The following ZBTB8B variants were observed in gnomAD, a reference collection of about 807,000 sequenced individuals.
ZBTB8B encodes the protein zinc finger and BTB domain containing 8B.
Under a neutral mutation model 30.3 loss-of-function variants are expected in ZBTB8B, and 17 were observed. The ratio of observed to expected loss-of-function variants is 0.56; its 90% CI spans 0.38 to 0.84. The LOEUF (loss-of-function observed/expected upper bound fraction) is 0.84, where lower values mean the gene tolerates loss of function less well. Among genes scored for constraint, ZBTB8B ranks in the 40% least tolerant of loss-of-function variants. The pLI is 0.00. For missense variants in ZBTB8B, 515 were observed against 644.9 expected, an observed-to-expected ratio of 0.80 and a Z score of 2.18; for synonymous variants, 248 against 255.6, an observed-to-expected ratio of 0.97 and a Z score of 0.28.
Position 32,471,230 on chromosome 1 carries a change from C to T in ZBTB8B, c.606C>T (p.Pro202=), listed in dbSNP as rs1643617437. The T allele has an allele frequency of 1.9e-6, 3 of 1,551,914 alleles. No homozygotes were observed. The highest frequency in any genetic ancestry group is 2.6e-6 in the Non-Finnish European group (3 of 1,147,042). The stretch of plus-strand genomic sequence containing the variant: ...GCGGTGACTGCGGAGACTGCCACCC[C>T]TTGGAACTGGTGGTGAGAGACAGCC... The part of the protein sequence containing the change: ...SPCGDCGDCH[P]LELVVRDSLG... The change falls in exon 2 of 4, where the codon CCC becomes CCT. Residue 202 remains proline (P), a synonymous_variant. Transcript: ENST00000609129.
In ZBTB8B at chr1:32,494,803, C is replaced by T. The variant is rs1386685782; in HGVS notation, c.*9385C>T. ...TTTTCCAACCTCGCTGATTTTTTTCCTTCTTTCTTTTTTGAGACAGAGTTC... is the reference window on the plus strand; with the variant it reads ...TTTTCCAACCTCGCTGATTTTTTTCTTTCTTTCTTTTTTGAGACAGAGTTC... On this transcript the variant is annotated 3_prime_UTR_variant, in exon 4 of 4. Transcript: ENST00000609129. 2.0e-5 allele frequency: 3 copies of T among 151,390 alleles called. No individual in the cohort carries two copies. The highest frequency in any genetic ancestry group is 2.9e-5 in the Non-Finnish European group (2 of 67,806). 9.4% of individuals were successfully genotyped at this position (151,390 alleles called of 1,614,324 possible).
At chr1:32,477,738 C>CAAA (rs544220090) in intron 2 of ZBTB8B, among the ~76,000 whole-genome samples, 2 of 100,870 alleles carry the variant, frequency 2.0e-5, no homozygotes, top group Non-Finnish European at 4.2e-5. Context: ...TCTGTCTCTA[C>CAAA]AAAAAAAAAA....
rs1570267579 is a variant in ZBTB8B, at chr1:32,491,579, T to C, written c.*6161T>C. The C allele has an allele frequency of 6.6e-6, 1 of 152,314 alleles. No individual in the cohort carries two copies. Among genetic ancestry groups the C allele is most frequent in the East Asian group, 1.9e-4 (1 of 5,186 alleles). 9.4% of individuals were successfully genotyped at this position (152,314 alleles called of 1,614,324 possible). A position where few individuals can be genotyped will look rare whatever the true frequency, so the allele number is the denominator to read the frequency against. On this transcript the variant is annotated 3_prime_UTR_variant, in exon 4 of 4. Transcript: ENST00000609129. Reference sequence around the variant, plus strand: ...AGGAGACAGATCTACATGGGGCAAGTATGGAAGCTTCCCCGGCTTAAGAGC... The same window carrying C: ...AGGAGACAGATCTACATGGGGCAAGCATGGAAGCTTCCCCGGCTTAAGAGC...
rs1643784933 is a variant in ZBTB8B at position 32,492,348 on chromosome 1, G to C, written c.*6930G>C. ...GATGGAGTTTCACTCTTGTTGCCAG[G>C]CTGGAGTGCAGTGGTGCAATCTCGG... is the stretch of plus-strand genomic sequence containing the variant. On this transcript the variant is annotated 3_prime_UTR_variant, in exon 4 of 4. Transcript: ENST00000609129. 6.5e-6 allele frequency: 1 copy of C among 153,066 alleles called. No individual in the cohort carries two copies. Among genetic ancestry groups the C allele is most frequent in the Admixed American group, 6.7e-5 (1 of 14,820 alleles). 9.5% of individuals were successfully genotyped at this position (153,066 alleles called of 1,614,324 possible).
chr1:32,485,263 G>GT lies in ZBTB8B; in HGVS notation c.1334dup (p.Glu446GlyfsTer5). On this transcript the variant is annotated frameshift_variant, in exon 4 of 4. Transcript: ENST00000609129. LOFTEE classifies it high-confidence loss of function. ...TTTGATGCCCATCAACCTTAGCTTG[G>GT]TGGAGGCTTCATCTGAAAGCCAAGA... 1 of 1,552,122 alleles carries GT rather than the reference G, an allele frequency of 6.4e-7. No individual in the cohort carries two copies. The highest frequency in any genetic ancestry group is 8.7e-7 in the Non-Finnish European group (1 of 1,147,092).
chr1:32,470,634 C>T lies in ZBTB8B; in HGVS notation c.10C>T (p.Gln4Ter), dbSNP rs1288917883. ...AGCAGCTGGCGGAGCAATGGAGATG[C>T]AATCCTATTATGCCAAGCTTTTGGG... MEM[Q>*]SYYAKLLGEL... is the part of the protein sequence containing the mutation. The change falls in exon 2 of 4, where the codon CAA becomes TAA. Residue 4 changes from glutamine (Q) to a stop codon, truncating the protein, a stop_gained. Transcript: ENST00000609129. LOFTEE classifies it high-confidence loss of function. The T allele has an allele frequency of 2.6e-6, 4 of 1,549,008 alleles. No homozygotes were observed. The highest frequency in any genetic ancestry group is 3.5e-6 in the Non-Finnish European group (4 of 1,145,420).
At chr1:32,476,220 C>T (rs761201853) in intron 2 of ZBTB8B, among the ~76,000 whole-genome samples, 22 of 152,116 alleles carry the variant, frequency 1.4e-4, no homozygotes, top group Admixed American at 9.2e-4. Context: ...ACTGCAGCCT[C>T]GACCTCCTGG....
chr1:32,484,917 C>T lies in ZBTB8B; in HGVS notation c.1171-184C>T, dbSNP rs779530326. Among the ~76,000 whole-genome samples the T allele has an allele frequency of 1.2e-4, 19 of 152,176 alleles. No homozygotes were observed. The highest frequency in any genetic ancestry group is 2.0e-4 in the Admixed American group (3 of 15,282). ...AAACCTCTTTTCTTTATAAATTACC[C>T]AGTCTCAGGTATTTCTTTATAGCAG... On this transcript the variant is annotated intron_variant, in intron 3 of 3. Coordinates refer to ENST00000609129, the MANE Select transcript of ZBTB8B (RefSeq NM_001145720.2). The surrounding 1 kb of genome is among the most constrained non-coding windows in gnomAD (Gnocchi z 4.5).
At chr1:32,466,872 C>G (rs1485690161) in intron 1 of ZBTB8B, among the ~76,000 whole-genome samples, 1 of 152,122 alleles carries the variant, frequency 6.6e-6, no homozygotes, top group Non-Finnish European at 1.5e-5. Flanking sequence ...CCCCTCTGCC[C>G]TGCCTCCTTT....
intron 1 of ZBTB8B, among the ~76,000 whole-genome samples, chr1:32,469,639 GGAGGCCAATA>G (rs1315512404): frequency 6.6e-6 from 1 of 152,154 alleles, no homozygotes; most frequent in Non-Finnish European, 1.5e-5. Flanking sequence ...CATTGGCTCT[GGAGGCCAATA>G]GACCTGATTT....
At chr1:32,483,907 TA>T (rs1035323755) in intron 3 of ZBTB8B, among the ~76,000 whole-genome samples, 60 of 144,416 alleles carry the variant, frequency 4.2e-4, no homozygotes, top group Non-Finnish European at 4.3e-4. Flanking sequence ...ACCCCATCTC[TA>T]AAAAAAAAAA....
intron 2 of ZBTB8B, among the ~76,000 whole-genome samples, chr1:32,475,697 G>A (rs900782477): frequency 6.6e-6 from 1 of 152,266 alleles, no homozygotes; most frequent in Middle Eastern, 3.4e-3. Flanking sequence ...AAGGAGAACT[G>A]GCTTCCTACT....
rs1019236221 is a variant in ZBTB8B at position 32,489,488 on chromosome 1, A to G, written c.*4070A>G. On this transcript the variant is annotated 3_prime_UTR_variant, in exon 4 of 4. Transcript: ENST00000609129. ...ATACTTCCTCTGTCTAGACTATCAG[A>G]TCATAAATTGGTCCCCTTTAGGTGG... 1 of 152,214 alleles carries G rather than the reference A, an allele frequency of 6.6e-6. No homozygotes were observed. The highest frequency in any genetic ancestry group is 1.5e-5 in the Non-Finnish European group (1 of 68,024). 9.4% of individuals were successfully genotyped at this position (152,214 alleles called of 1,614,324 possible). A position where few individuals can be genotyped will look rare whatever the true frequency, so the allele number is the denominator to read the frequency against.
chr1:32,469,797 G>C (rs1424116255), intron 1 of ZBTB8B, among the ~76,000 whole-genome samples: 1 of 152,152 alleles, frequency 6.6e-6, no homozygotes, highest in East Asian at 1.9e-4. Context: ...AGTAAGCACT[G>C]TGCTCACATG....
chr1:32,472,163 C>T (rs1643629804), intron 2 of ZBTB8B, among the ~76,000 whole-genome samples: 1 of 152,206 alleles, frequency 6.6e-6, no homozygotes, highest in Non-Finnish European at 1.5e-5. Flanking sequence ...ATTAATTGAG[C>T]ACCTGCTATA....
rs901050963 is a variant in ZBTB8B, at chr1:32,496,234, G to C, written c.*10816G>C. ...ATTCTGTGAAAGAAGACTGACTACT[G>C]TCTGATGAATGGGTAATTGATGATG... is the stretch of plus-strand genomic sequence containing the variant. On this transcript the variant is annotated 3_prime_UTR_variant, in exon 4 of 4. Coordinates refer to ENST00000609129, the MANE Select transcript of ZBTB8B (RefSeq NM_001145720.2). The C allele has an allele frequency of 6.6e-6, 1 of 152,120 alleles. No homozygotes were observed. Among genetic ancestry groups the C allele is most frequent in the Non-Finnish European group, 1.5e-5 (1 of 68,016 alleles). 9.4% of individuals were successfully genotyped at this position (152,120 alleles called of 1,614,324 possible). A position where few individuals can be genotyped will look rare whatever the true frequency, so the allele number is the denominator to read the frequency against.
intron 3 of ZBTB8B, among the ~76,000 whole-genome samples, chr1:32,483,585 A>C (rs1643723504): frequency 6.6e-6 from 1 of 152,124 alleles, no homozygotes. Context: ...TAGGAGAAAT[A>C]CCTAATGTGA....
Position 32,483,256 on chromosome 1 carries a change from A to C in ZBTB8B, c.1171-1845A>C, listed in dbSNP as rs1298301024. On this transcript the variant is annotated intron_variant, in intron 3 of 3. Coordinates refer to ENST00000609129, the MANE Select transcript of ZBTB8B (RefSeq NM_001145720.2). ...TCTACTAAAAATCCAAAAAAAAAAA[A>C]AAAAAAAAAAAAAAAAAAATTAGCC... 2.5e-3 allele frequency among the ~76,000 whole-genome samples: 351 copies of C among 143,056 alleles called. 2 individuals carry two copies. The highest frequency in any genetic ancestry group is 7.7e-3 in the African/African-American group (295 of 38,494). 93.9% of individuals were successfully genotyped at this position (143,056 alleles called of 152,430 possible).
intron 2 of ZBTB8B, among the ~76,000 whole-genome samples, chr1:32,476,120 GTTTGTTTTGTTTTGT>G (rs375279635): frequency 2.0e-5 from 3 of 151,398 alleles, no homozygotes; most frequent in African/African-American, 7.3e-5. Flanking sequence ...GCCTGGCCAG[GTTTGTTTTGTTTTGT>G]TTTGTTTTGT....
Sources: gnomAD v4.1 joint callset for allele counts (sites outside exome capture counted in the v4.1 genomes callset) on GRCh38, gnomAD v4.1.1 for gene constraint, Gnocchi (gnomAD v3.1) non-coding constraint, MANE v1.5 for transcripts, NCBI Gene and HGNC (gene_info 2026-07-23, HGNC 2026-07-21) for gene names.